PTPRD: variants seen among roughly 807,000 people sequenced by gnomAD.
PTPRD encodes receptor-type tyrosine-protein phosphatase delta.
A neutral mutation model predicts 214.5 loss-of-function variants in PTPRD; 34 were observed. The ratio of observed to expected loss-of-function variants is 0.16; its 90% CI spans 0.12 to 0.21. The LOEUF (loss-of-function observed/expected upper bound fraction) is 0.21. PTPRD is among the 10% of genes least tolerant of loss of function. The pLI, the probability that PTPRD is intolerant of heterozygous loss-of-function variation, is 1.00. For missense variants in PTPRD, 2,545 were observed against 2,398.7 expected, an observed-to-expected ratio of 1.06 and a Z score of -1.27; for synonymous variants, 1,128 against 845.7, an observed-to-expected ratio of 1.33 and a Z score of -5.79.
intron 3 of PTPRD, among the ~76,000 whole-genome samples, chr9:10,137,993 A>C (rs1459248469): frequency 1.3e-5 from 2 of 152,118 alleles, no homozygotes; most frequent in Non-Finnish European, 2.9e-5. Context: ...TAGAAAATCA[A>C]GACCAAACTA....
At chr9:8,849,828 G>C (rs1391515002) in intron 11 of PTPRD, among the ~76,000 whole-genome samples, 2 of 152,116 alleles carry the variant, frequency 1.3e-5, no homozygotes, top group Non-Finnish European at 2.9e-5. Flanking sequence ...TGAGTATTGA[G>C]CACTTGATCA....
intron 43 of PTPRD, among the ~76,000 whole-genome samples, chr9:8,334,409 G>T (rs557019236): frequency 6.7e-6 from 1 of 150,254 alleles, no homozygotes; most frequent in African/African-American, 2.5e-5. Context: ...ACAACTACAT[G>T]GAAGCTGAAC....
At chr9:10,457,296 T>A (rs2131105122) in intron 2 of PTPRD, among the ~76,000 whole-genome samples, 1 of 152,102 alleles carries the variant, frequency 6.6e-6, no homozygotes, top group East Asian at 1.9e-4. Flanking sequence ...GAAAGTTTCC[T>A]TTTGCCTCTT....
intron 2 of PTPRD, among the ~76,000 whole-genome samples, chr9:10,409,952 C>G (rs1383358537): frequency 1.3e-5 from 2 of 151,630 alleles, no homozygotes; most frequent in African/African-American, 2.4e-5. Flanking sequence ...ACAAGAAACC[C>G]TGAGCCAGAA....
At chr9:9,772,065 T>A (rs902881986) in intron 5 of PTPRD, among the ~76,000 whole-genome samples, 3 of 152,058 alleles carry the variant, frequency 2.0e-5, no homozygotes, top group African/African-American at 7.2e-5. Context: ...TACCTCAGAG[T>A]ATAAGTGTAT....
chr9:9,960,756 G>T (rs1566748578), intron 4 of PTPRD, among the ~76,000 whole-genome samples: 1 of 152,034 alleles, frequency 6.6e-6, no homozygotes, highest in Non-Finnish European at 1.5e-5. Flanking sequence ...GGACCCTAAA[G>T]ACACATGATA....
chr9:9,258,398 T>G (rs1360651769), intron 9 of PTPRD, among the ~76,000 whole-genome samples: 1 of 151,754 alleles, frequency 6.6e-6, no homozygotes, highest in Non-Finnish European at 1.5e-5. Context: ...TCTGGTTAGT[T>G]TTTCATTTAA....
intron 5 of PTPRD, among the ~76,000 whole-genome samples, chr9:9,908,425 G>A (rs1566194827): frequency 6.6e-6 from 1 of 151,700 alleles, no homozygotes; most frequent in Admixed American, 6.6e-5. Context: ...TGAAAGTACT[G>A]GATCCACACC....
rs2098929062 is a variant in PTPRD, at chr9:8,929,469, C to A, written c.-104+89228G>T. 1.3e-5 allele frequency among the ~76,000 whole-genome samples: 2 copies of A among 151,878 alleles called. 1 individual carries two copies. The highest frequency in any genetic ancestry group is 4.8e-5 in the African/African-American group (2 of 41,322). The stretch of plus-strand genomic sequence containing the variant: ...AATCATGTGGTTTTGGTCATTGGCT[C>A]TGTTTATGTGATGGATTACATTTAT... On this transcript the variant is annotated intron_variant, in intron 11 of 45. Coordinates refer to ENST00000381196, the MANE Select transcript of PTPRD (RefSeq NM_002839.4).
At chr9:10,274,518 A>T (rs2154385038) in intron 3 of PTPRD, among the ~76,000 whole-genome samples, 1 of 152,300 alleles carries the variant, frequency 6.6e-6, no homozygotes, top group African/African-American at 2.4e-5. Context: ...TGATATTTAA[A>T]TTAGAAGACA....
chr9:10,472,779 A>G (rs1007000450), intron 2 of PTPRD, among the ~76,000 whole-genome samples: 1 of 152,072 alleles, frequency 6.6e-6, no homozygotes, highest in African/African-American at 2.4e-5. Context: ...CAAATTAAAC[A>G]TATATCTGAT....
chr9:9,969,670 C>T (rs1306402164), intron 4 of PTPRD, among the ~76,000 whole-genome samples: 1 of 152,180 alleles, frequency 6.6e-6, no homozygotes, highest in Non-Finnish European at 1.5e-5. Context: ...CTTGGGGCTG[C>T]CGCTTCTACT....
chr9:8,890,902 A>G (rs1390206724), intron 11 of PTPRD, among the ~76,000 whole-genome samples: 1 of 152,186 alleles, frequency 6.6e-6, no homozygotes, highest in Non-Finnish European at 1.5e-5. Context: ...TGTCTCAAAG[A>G]GGAAATGGGC....
intron 8 of PTPRD, among the ~76,000 whole-genome samples, chr9:9,411,194 T>A (rs1044455637): frequency 5.3e-5 from 8 of 151,508 alleles, no homozygotes; most frequent in African/African-American, 1.9e-4. Context: ...GTGTTCCTAT[T>A]CAATTCCCAA....
intron 14 of PTPRD, among the ~76,000 whole-genome samples, chr9:8,563,399 T>C (rs1171353636): frequency 2.0e-5 from 3 of 151,870 alleles, no homozygotes; most frequent in Non-Finnish European, 4.4e-5. Flanking sequence ...CATATGCATA[T>C]ACAGATGGTC....
chr9:10,508,630 T>C (rs1374355516), intron 2 of PTPRD, among the ~76,000 whole-genome samples: 1 of 151,990 alleles, frequency 6.6e-6, no homozygotes, highest in African/African-American at 2.4e-5. Context: ...AAAGGATGAG[T>C]TGATGTCCTT....
intron 33 of PTPRD, among the ~76,000 whole-genome samples, chr9:8,453,097 G>C (rs1308177075): frequency 6.6e-6 from 1 of 152,138 alleles, no homozygotes; most frequent in African/African-American, 2.4e-5. Flanking sequence ...ATTAGAAGAG[G>C]ATGTCTAAGT....
chr9:10,575,897 T>C (rs1030521146), intron 2 of PTPRD, among the ~76,000 whole-genome samples: 3 of 152,168 alleles, frequency 2.0e-5, no homozygotes, highest in African/African-American at 7.2e-5. Context: ...CCTGGGAAGA[T>C]GGAGAATCTC....
At chr9:10,523,446 C>T (rs1427775218) in intron 2 of PTPRD, among the ~76,000 whole-genome samples, 1 of 151,612 alleles carries the variant, frequency 6.6e-6, no homozygotes, top group African/African-American at 2.4e-5. Flanking sequence ...TCAGTCTTTT[C>T]TTTCCTCAGC....
Sources: gnomAD v4.1 joint callset for allele counts (sites outside exome capture counted in the v4.1 genomes callset) on GRCh38, gnomAD v4.1.1 for gene constraint, MANE v1.5 for transcripts, NCBI Gene and HGNC (gene_info 2026-07-23, HGNC 2026-07-21) for gene names.